BBS9: variants seen among roughly 807,000 people sequenced by gnomAD.
BBS9 encodes protein PTHB1.
BBS9 carries 89 observed loss-of-function variants against 117.7 expected under a neutral mutation model. That is an observed-to-expected ratio of 0.76 (90% CI 0.64 to 0.90). The LOEUF (loss-of-function observed/expected upper bound fraction) is 0.90. Among genes scored for constraint, BBS9 ranks in the 40% least tolerant of loss-of-function variants. The probability of loss-of-function intolerance (pLI) is 0.00; values close to 1 mark genes in which losing one functional copy is unlikely to be tolerated. For missense variants in BBS9, 982 were observed against 1,042.2 expected, an observed-to-expected ratio of 0.94 and a Z score of 0.80; for synonymous variants, 379 against 370.9, an observed-to-expected ratio of 1.02 and a Z score of -0.25.
intron 21 of BBS9, among the ~76,000 whole-genome samples, chr7:33,540,105 A>G (rs1440448251): frequency 3.3e-5 from 5 of 152,304 alleles, no homozygotes; most frequent in Admixed American, 6.5e-5. Flanking sequence ...CCTCAATTAT[A>G]TATGTAAAAA....
chr7:33,344,602 G>A lies in BBS9; in HGVS notation c.1297G>A (p.Gly433Arg). The A allele has an allele frequency of 6.2e-7, 1 of 1,614,020 alleles. No individual in the cohort carries two copies. Among genetic ancestry groups the A allele is most frequent in the South Asian group, 1.1e-5 (1 of 91,068 alleles). The change falls in exon 12 of 23, where the codon GGA (glycine) becomes AGA (arginine). Residue 433 changes from glycine to arginine, a missense_variant. Physicochemically the swap from Gly to Arg is moderately radical, Grantham distance 125. Transcript: ENST00000242067. ...ACAGCAAGCGACCGATGTTGAGGTGGGAACTGACCTTGTCCCTTCTGTCAC... is the reference window on the plus strand; with the variant it reads ...ACAGCAAGCGACCGATGTTGAGGTGAGAACTGACCTTGTCCCTTCTGTCAC... ...SVSQATDVEV[G>R]TDLVPSVTVK... is the part of the protein sequence containing the mutation.
intron 21 of BBS9, among the ~76,000 whole-genome samples, chr7:33,602,148 G>A (rs183087975): frequency 1.3e-5 from 2 of 152,286 alleles, no homozygotes; most frequent in African/African-American, 4.8e-5. Flanking sequence ...GAGTGGTGCT[G>A]CCTGCACCTG....
intron 16 of BBS9, among the ~76,000 whole-genome samples, chr7:33,360,070 T>C (rs1021112814): frequency 1.3e-4 from 20 of 152,180 alleles, no homozygotes; most frequent in African/African-American, 4.8e-4. Context: ...ATTTTTGATA[T>C]ATGATTTTAA....
At chr7:33,432,665 T>C (rs1363296303) in intron 19 of BBS9, among the ~76,000 whole-genome samples, 1 of 152,176 alleles carries the variant, frequency 6.6e-6, no homozygotes, top group East Asian at 1.9e-4. Context: ...AGAAAAGTTG[T>C]CTATGTTGTT....
intron 19 of BBS9, among the ~76,000 whole-genome samples, chr7:33,390,922 G>A (rs963392965): frequency 7.2e-5 from 11 of 151,988 alleles, no homozygotes; most frequent in Non-Finnish European, 1.3e-4. Context: ...TCTAAAGTAT[G>A]TACTGGAACT....
At chr7:33,225,479 A>T (rs1325667862) in intron 5 of BBS9, among the ~76,000 whole-genome samples, 1 of 152,192 alleles carries the variant, frequency 6.6e-6, no homozygotes, top group African/African-American at 2.4e-5. Context: ...GATTATGGAC[A>T]TGTGCCACTG....
At chr7:33,288,463 G>A (rs981053451) in intron 9 of BBS9, among the ~76,000 whole-genome samples, 1 of 152,144 alleles carries the variant, frequency 6.6e-6, no homozygotes, top group Non-Finnish European at 1.5e-5. Context: ...ATTCGTTAAC[G>A]TTGAATAATG....
In BBS9 at chr7:33,321,682, C is replaced by T. The variant is rs766558599; in HGVS notation, c.1017-14759C>T. ...TCTGCAAACAAGGGCAATTTACCTTCTTCTCTTCCAATTTTGGATGAACTT... is the reference window on the plus strand; with the variant it reads ...TCTGCAAACAAGGGCAATTTACCTTTTTCTCTTCCAATTTTGGATGAACTT... On this transcript the variant is annotated intron_variant, in intron 9 of 22. Transcript: ENST00000242067. 6.6e-5 allele frequency among the ~76,000 whole-genome samples: 10 copies of T among 152,082 alleles called. No homozygotes were observed. In the East Asian group the frequency reaches 1.7e-3, roughly 26 times the overall value.
intron 11 of BBS9, 48 bp from the exon 12 acceptor site, chr7:33,344,533 G>T: frequency 6.5e-7 from 1 of 1,546,712 alleles, no homozygotes; most frequent in African/African-American, 1.4e-5. Flanking sequence ...TCACTGCTGT[G>T]TAATATTGAC....
chr7:33,139,653 G>A (rs1228816537), intron 1 of BBS9, among the ~76,000 whole-genome samples: 2 of 148,500 alleles, frequency 1.3e-5, no homozygotes, highest in South Asian at 2.1e-4. Context: ...GGTTTAGTAT[G>A]TTCTCTAGGC....
intron 5 of BBS9, among the ~76,000 whole-genome samples, chr7:33,242,271 G>A (rs1583833408): frequency 6.6e-6 from 1 of 151,990 alleles, no homozygotes; most frequent in Non-Finnish European, 1.5e-5. Context: ...CTGGGCTTGA[G>A]GGGGAATGCT....
chr7:33,437,311 C>T (rs1835440993), intron 19 of BBS9, among the ~76,000 whole-genome samples: 1 of 152,162 alleles, frequency 6.6e-6, no homozygotes, highest in Non-Finnish European at 1.5e-5. Flanking sequence ...CCTCTCTGCT[C>T]CCACACCAGT....
chr7:33,152,235 A>G (rs1793453334), intron 2 of BBS9, among the ~76,000 whole-genome samples: 1 of 152,096 alleles, frequency 6.6e-6, no homozygotes, highest in Admixed American at 6.6e-5. Context: ...CACCCATTCT[A>G]TCATTTCCCC....
intron 4 of BBS9, among the ~76,000 whole-genome samples, chr7:33,172,342 C>T (rs1310679622): frequency 3.3e-5 from 5 of 151,110 alleles, no homozygotes; most frequent in Admixed American, 3.3e-4. Context: ...GATCGTGCCA[C>T]TGCACTCCAG....
At chr7:33,151,032 G>A in intron 2 of BBS9, among the ~76,000 whole-genome samples, 1 of 152,154 alleles carries the variant, frequency 6.6e-6, no homozygotes, top group East Asian at 1.9e-4. Flanking sequence ...CAGGTAGATT[G>A]CTTGAGTCCA....
intron 9 of BBS9, among the ~76,000 whole-genome samples, chr7:33,279,221 A>AAC (rs1473588104): frequency 1.3e-5 from 2 of 152,056 alleles, no homozygotes; most frequent in Non-Finnish European, 2.9e-5. Flanking sequence ...AACTATAGGC[A>AAC]TATGCCACCA....
At chr7:33,284,192 T>C (rs1802445947) in intron 9 of BBS9, among the ~76,000 whole-genome samples, 1 of 152,194 alleles carries the variant, frequency 6.6e-6, no homozygotes, top group South Asian at 2.1e-4. Context: ...CTTGGCATCC[T>C]ATCATACTGT....
At chr7:33,598,691 T>C (rs1863311336) in intron 21 of BBS9, among the ~76,000 whole-genome samples, 1 of 152,232 alleles carries the variant, frequency 6.6e-6, no homozygotes, top group South Asian at 2.1e-4. Flanking sequence ...TTTTTACCGT[T>C]ACCCAACAAG....
chr7:33,460,436 G>C (rs1046797134), intron 19 of BBS9, among the ~76,000 whole-genome samples: 4 of 151,796 alleles, frequency 2.6e-5, no homozygotes, highest in Non-Finnish European at 5.9e-5. Flanking sequence ...TTAGGTACAA[G>C]GGAAAATAAT....
Sources: allele counts gnomAD v4.1 joint callset (sites outside exome capture counted in the v4.1 genomes callset), GRCh38; gene constraint gnomAD v4.1.1; transcripts MANE v1.5; gene names NCBI Gene and HGNC (gene_info 2026-07-23, HGNC 2026-07-21).